NPAS3: variants seen among roughly 807,000 people sequenced by gnomAD.
NPAS3 encodes the protein neuronal PAS domain protein 3.
In NPAS3, 14 loss-of-function variants were observed where a neutral mutation model predicts 73.1. The observed-to-expected ratio is 0.19, with a 90% CI of 0.13 to 0.30. NPAS3 has a LOEUF of 0.30. Among genes scored for constraint, NPAS3 ranks in the 10% least tolerant of loss-of-function variants. NPAS3 has a pLI of 1.00. For synonymous variants in NPAS3, 620 were observed against 541.5 expected, an observed-to-expected ratio of 1.14 and a Z score of -2.01; for missense variants, 1,096 against 1,250.0, an observed-to-expected ratio of 0.88 and a Z score of 1.86.
chr14:33,544,825 A>ATATATATATAAT, intron 4 of NPAS3, among the ~76,000 whole-genome samples: 7,278 of 111,432 alleles, frequency 0.065, 778 homozygotes, highest in Non-Finnish European at 0.085. Flanking sequence ...TATATAATAT[A>ATATATATATAAT]TATGTGTATA....
chr14:33,059,230 T>C (rs1437718230), intron 2 of NPAS3, among the ~76,000 whole-genome samples: 1 of 152,226 alleles, frequency 6.6e-6, no homozygotes, highest in Non-Finnish European at 1.5e-5. Flanking sequence ...TTGAATTACA[T>C]ATTTAAAGAC....
chr14:33,295,402 C>T (rs1011951668), intron 3 of NPAS3, among the ~76,000 whole-genome samples: 1 of 152,198 alleles, frequency 6.6e-6, no homozygotes, highest in Non-Finnish European at 1.5e-5. Flanking sequence ...GTGTACTCCG[C>T]ATGCTGGCTT....
At chr14:33,789,612 G>A (rs567869991) in intron 9 of NPAS3, among the ~76,000 whole-genome samples, 7 of 43,408 alleles carry the variant, frequency 1.6e-4, no homozygotes, top group Admixed American at 6.7e-4. Context: ...TTTTTGAGAC[G>A]GAGTCTCGCT....
At chr14:32,951,206 A>G (rs1444699085) in intron 1 of NPAS3, among the ~76,000 whole-genome samples, 4 of 152,076 alleles carry the variant, frequency 2.6e-5, no homozygotes, top group African/African-American at 7.2e-5. Flanking sequence ...CTGAGTTGCT[A>G]ATACCTACTT....
chr14:33,206,860 A>G (rs2046839436), intron 2 of NPAS3, among the ~76,000 whole-genome samples: 2 of 152,160 alleles, frequency 1.3e-5, no homozygotes, highest in African/African-American at 2.4e-5. Flanking sequence ...TCCTGCCGTC[A>G]AAGGGTACCC....
At chr14:33,139,620 G>T (rs764205598) in intron 2 of NPAS3, among the ~76,000 whole-genome samples, 3 of 152,150 alleles carry the variant, frequency 2.0e-5, no homozygotes, top group Non-Finnish European at 2.9e-5. Context: ...GTTTCATATT[G>T]TGCTTCTGTT....
At chr14:32,974,125 A>G (rs1305911988) in intron 1 of NPAS3, among the ~76,000 whole-genome samples, 1 of 152,212 alleles carries the variant, frequency 6.6e-6, no homozygotes, top group East Asian at 1.9e-4. Flanking sequence ...AACCTTCCAG[A>G]GGTCATTTAC....
chr14:33,210,265 A>G (rs1467606990), intron 2 of NPAS3, among the ~76,000 whole-genome samples: 1 of 152,212 alleles, frequency 6.6e-6, no homozygotes, highest in Non-Finnish European at 1.5e-5. Context: ...CCAGTAAACA[A>G]TTGACCTCTT....
intron 3 of NPAS3, among the ~76,000 whole-genome samples, chr14:33,247,442 G>C (rs956646596): frequency 1.9e-4 from 29 of 152,220 alleles, no homozygotes; most frequent in East Asian, 5.8e-4. Flanking sequence ...TGAATATGAG[G>C]AGAAGGCTTT....
intron 7 of NPAS3, among the ~76,000 whole-genome samples, chr14:33,760,433 C>T (rs186845451): frequency 1.5e-3 from 233 of 152,196 alleles, no homozygotes; most frequent in African/African-American, 5.1e-3. Context: ...TACTTTGGAA[C>T]GAATGAAATT....
chr14:33,574,695 G>T, intron 5 of NPAS3, among the ~76,000 whole-genome samples: 1 of 152,164 alleles, frequency 6.6e-6, no homozygotes, highest in East Asian at 1.9e-4. Flanking sequence ...TGTATAGAAA[G>T]ATATATTTAA....
chr14:33,458,821 G>A (rs965419087), intron 4 of NPAS3, among the ~76,000 whole-genome samples: 6 of 152,162 alleles, frequency 3.9e-5, no homozygotes, highest in Admixed American at 1.3e-4. Flanking sequence ...TATTACATAC[G>A]AGAGTTTTGT....
At chr14:33,575,946 G>C (rs1271074422) in intron 5 of NPAS3, among the ~76,000 whole-genome samples, 1 of 152,132 alleles carries the variant, frequency 6.6e-6, no homozygotes, top group Non-Finnish European at 1.5e-5. Context: ...AGGAAGCTAA[G>C]AAAGAATAAA....
chr14:33,615,677 T>TA (rs1488981653), intron 5 of NPAS3, among the ~76,000 whole-genome samples: 1 of 152,194 alleles, frequency 6.6e-6, no homozygotes, highest in Non-Finnish European at 1.5e-5. Context: ...TGAGTAATGC[T>TA]AAAAAGTAGC....
At chr14:33,298,580 C>T (rs1028829331) in intron 3 of NPAS3, among the ~76,000 whole-genome samples, 1 of 152,096 alleles carries the variant, frequency 6.6e-6, no homozygotes, top group African/African-American at 2.4e-5. Context: ...TTATTTCTAC[C>T]TCTTGCTAAC....
chr14:33,709,826 T>A (rs1481954975), intron 6 of NPAS3, among the ~76,000 whole-genome samples: 1 of 152,182 alleles, frequency 6.6e-6, no homozygotes, highest in Non-Finnish European at 1.5e-5. Flanking sequence ...CCTCAGGACT[T>A]AAATATCCCC....
chr14:32,992,756 G>A (rs1164761571), intron 1 of NPAS3, among the ~76,000 whole-genome samples: 1 of 152,140 alleles, frequency 6.6e-6, no homozygotes, highest in Non-Finnish European at 1.5e-5. Flanking sequence ...AGAATGGAGA[G>A]AATTGAGTCA....
intron 3 of NPAS3, among the ~76,000 whole-genome samples, chr14:33,269,645 G>A (rs2040978614): frequency 6.6e-6 from 1 of 152,132 alleles, no homozygotes; most frequent in African/African-American, 2.4e-5. Context: ...AGGGTGTTAG[G>A]AATGAATTAA....
chr14:33,165,707 T>C lies in NPAS3; in HGVS notation c.141-49475T>C, dbSNP rs1002907670. Among the ~76,000 whole-genome samples, 14 of 148,924 alleles carry C rather than the reference T, an allele frequency of 9.4e-5. 1 individual carries two copies. Among genetic ancestry groups the C allele is most frequent in the Admixed American group, 2.0e-4 (3 of 14,920 alleles). On this transcript the variant is annotated intron_variant, in intron 2 of 11. Coordinates refer to ENST00000356141, the Ensembl canonical transcript of NPAS3. ...TTAGTTTAAAACTTACTTCCTCTCT[T>C]TTTTTTTTTAAGCTTAATTGAAGGT...
Sources: allele counts gnomAD v4.1 joint callset (sites outside exome capture counted in the v4.1 genomes callset), GRCh38; gene constraint gnomAD v4.1.1; transcripts MANE v1.5; gene names NCBI Gene and HGNC (gene_info 2026-07-23, HGNC 2026-07-21).